Variants in PPTC7 observed in about 807,000 individuals in gnomAD.
The protein encoded by PPTC7 is protein phosphatase PTC7 homolog.
A neutral mutation model predicts 30.8 loss-of-function variants in PPTC7; 6 were observed. That is an observed-to-expected ratio of 0.19 (90% CI 0.11 to 0.38). PPTC7 has a LOEUF of 0.38. PPTC7 is among the 10% of genes least tolerant of loss of function. The probability of loss-of-function intolerance (pLI) is 1.00; values close to 1 mark genes in which losing one functional copy is unlikely to be tolerated. For missense variants in PPTC7, 218 were observed against 404.8 expected, an observed-to-expected ratio of 0.54 and a Z score of 3.96; for synonymous variants, 163 against 168.1, an observed-to-expected ratio of 0.97 and a Z score of 0.23.
intron 4 of PPTC7, among the ~76,000 whole-genome samples, chr12:110,539,340 T>A (rs1438972596): frequency 6.6e-6 from 1 of 152,240 alleles, no homozygotes; most frequent in Non-Finnish European, 1.5e-5. Flanking sequence ...CCAGAGTATG[T>A]TCACAAAGCC....
At chr12:110,582,452 T>C (rs1376411653) in intron 1 of PPTC7, among the ~76,000 whole-genome samples, 1 of 152,062 alleles carries the variant, frequency 6.6e-6, no homozygotes, top group Non-Finnish European at 1.5e-5. Flanking sequence ...AGAACGAGGT[T>C]AGGAGCCTGC....
chr12:110,554,340 G>C (rs545763150), intron 1 of PPTC7, among the ~76,000 whole-genome samples: 32 of 152,122 alleles, frequency 2.1e-4, no homozygotes, highest in African/African-American at 7.2e-4. Context: ...CACCCAGCTA[G>C]TTTTTGTTTG....
intron 1 of PPTC7, among the ~76,000 whole-genome samples, chr12:110,563,344 A>G (rs905420023): frequency 3.3e-5 from 5 of 151,634 alleles, no homozygotes; most frequent in Admixed American, 3.3e-4. Context: ...TGGCCGCATG[A>G]GGTGGCTTAC....
chr12:110,558,576 C>G (rs1478937589), intron 1 of PPTC7, among the ~76,000 whole-genome samples: 3 of 152,338 alleles, frequency 2.0e-5, no homozygotes, highest in African/African-American at 7.2e-5. Context: ...AATAGCTGAG[C>G]AAAAGATTGA....
At chr12:110,579,287 G>A (rs1399840299) in intron 1 of PPTC7, among the ~76,000 whole-genome samples, 1 of 152,160 alleles carries the variant, frequency 6.6e-6, no homozygotes, top group Non-Finnish European at 1.5e-5. Context: ...ACTGCCGTCC[G>A]GAAGAGCTCC....
intron 1 of PPTC7, among the ~76,000 whole-genome samples, chr12:110,552,591 G>A (rs914007502): frequency 1.3e-5 from 2 of 152,218 alleles, no homozygotes; most frequent in Non-Finnish European, 2.9e-5. Context: ...TGGGCCGGGC[G>A]CGGTGGCTCA....
intron 3 of PPTC7, among the ~76,000 whole-genome samples, chr12:110,544,627 A>T (rs2064290219): frequency 6.6e-6 from 1 of 152,186 alleles, no homozygotes; most frequent in African/African-American, 2.4e-5. Flanking sequence ...CGAGGTCAGG[A>T]GTTTGAGACA....
At chr12:110,541,074 C>T (rs1178743579) in intron 3 of PPTC7, among the ~76,000 whole-genome samples, 8 of 151,520 alleles carry the variant, frequency 5.3e-5, no homozygotes, top group Non-Finnish European at 1.2e-4. Context: ...TGCGCCCAGC[C>T]GCCAATCTTA....
In PPTC7 at chr12:110,582,860, A is replaced by G; in HGVS notation, c.172T>C (p.Tyr58His). ...GCCACGAAGCACGCGTCGTCCCCGT[A>G]GCACGCGCCCTTCTTGAGGAGGCCC... ...RKGLLKKGAC[Y>H]GDDACFVARH... Residue 58 changes from tyrosine to histidine, a missense_variant, in exon 1 of 6, where the codon TAC becomes CAC. Coordinates refer to ENST00000354300, the MANE Select transcript of PPTC7 (RefSeq NM_139283.2). 2 of 1,560,106 alleles carry G rather than the reference A, an allele frequency of 1.3e-6. No homozygotes were observed. The highest frequency in any genetic ancestry group is 1.7e-6 in the Non-Finnish European group (2 of 1,152,080).
chr12:110,563,151 A>G (rs908504033), intron 1 of PPTC7, among the ~76,000 whole-genome samples: 1 of 150,152 alleles, frequency 6.7e-6, no homozygotes, highest in Non-Finnish European at 1.5e-5. Flanking sequence ...AAAAAAAAGA[A>G]GAAGAAGAAA....
At chr12:110,574,261 T>C (rs993530376) in intron 1 of PPTC7, among the ~76,000 whole-genome samples, 4 of 151,876 alleles carry the variant, frequency 2.6e-5, no homozygotes, top group Admixed American at 2.0e-4. Flanking sequence ...ATGTGTCAGT[T>C]TTATAGATGA....
intron 1 of PPTC7, among the ~76,000 whole-genome samples, chr12:110,579,860 A>C (rs1284764403): frequency 6.6e-6 from 1 of 152,072 alleles, no homozygotes; most frequent in African/African-American, 2.4e-5. Context: ...TAAAAATACA[A>C]AAATTAGCCG....
chr12:110,563,678 T>C (rs957847754), intron 1 of PPTC7, among the ~76,000 whole-genome samples: 5 of 151,860 alleles, frequency 3.3e-5, no homozygotes, highest in African/African-American at 1.2e-4. Context: ...AAATCAAAGC[T>C]GTAGTAAGCG....
intron 1 of PPTC7, among the ~76,000 whole-genome samples, chr12:110,560,277 G>A (rs1385386042): frequency 5.3e-5 from 8 of 152,008 alleles, no homozygotes; most frequent in Admixed American, 5.2e-4. Context: ...GCACACACCT[G>A]TAGTTCCAGC....
intron 1 of PPTC7, among the ~76,000 whole-genome samples, chr12:110,564,522 A>G (rs566272826): frequency 6.6e-6 from 1 of 152,250 alleles, no homozygotes; most frequent in South Asian, 2.1e-4. Context: ...ATGACAAGCC[A>G]TATATCCTTG....
At chr12:110,568,968 C>T (rs2064509556) in intron 1 of PPTC7, among the ~76,000 whole-genome samples, 1 of 152,122 alleles carries the variant, frequency 6.6e-6, no homozygotes, top group Non-Finnish European at 1.5e-5. Context: ...TGCACTACAA[C>T]TACACCTGTG....
At position 110,542,689 on chromosome 12, in the gene PPTC7, A is replaced by G. The variant is rs543945213; in HGVS notation, c.603-2744T>C. On this transcript the variant is annotated intron_variant, in intron 3 of 5. Coordinates refer to ENST00000354300, the MANE Select transcript of PPTC7 (RefSeq NM_139283.2). ...ACTCTGTCTCAAAAAAAAAAAAAAA[A>G]AAAAAAAAAAGAAAAAGAAACTAAA... Among the ~76,000 whole-genome samples the G allele has an allele frequency of 8.5e-3, 1,277 of 150,766 alleles. 32 individuals are homozygous for G. Among genetic ancestry groups the G allele is most frequent in the African/African-American group, 0.03 (1,221 of 41,116 alleles).
intron 1 of PPTC7, among the ~76,000 whole-genome samples, chr12:110,580,593 G>A (rs950691189): frequency 1.3e-5 from 2 of 152,088 alleles, no homozygotes; most frequent in Admixed American, 1.3e-4. Context: ...GCCCACCTCC[G>A]CCTCCCAAAG....
In PPTC7 at chr12:110,551,720, T is replaced by C. The variant is rs1021331736; in HGVS notation, c.403+69A>G. Reference sequence around the variant, plus strand: ...AGAAAAAAGCTGGTCCGATAAATGATTTTCTTGGTTTTGTTTTTAACTATC... The same window carrying C: ...AGAAAAAAGCTGGTCCGATAAATGACTTTCTTGGTTTTGTTTTTAACTATC... On this transcript the variant is annotated intron_variant, in intron 2 of 5. Transcript: ENST00000354300. 24 of 1,391,928 alleles carry C rather than the reference T, an allele frequency of 1.7e-5. No homozygotes were observed. The South Asian group carries it at 2.9e-4, about 17-fold the overall frequency. 86.2% of individuals were successfully genotyped at this position (1,391,928 alleles called of 1,614,324 possible).
Sources: allele counts gnomAD v4.1 joint callset (sites outside exome capture counted in the v4.1 genomes callset), GRCh38; gene constraint gnomAD v4.1.1; transcripts MANE v1.5; gene names NCBI Gene and HGNC (gene_info 2026-07-23, HGNC 2026-07-21).